GATA4: variants seen among roughly 807,000 people sequenced by gnomAD.
GATA4 encodes GATA binding protein 4.
GATA4 carries 7 observed loss-of-function variants against 37.9 expected under a neutral mutation model. That is an observed-to-expected ratio of 0.18 (90% CI 0.11 to 0.35). The LOEUF (loss-of-function observed/expected upper bound fraction) is 0.35, where lower values mean the gene tolerates loss of function less well. Ranked by LOEUF, GATA4 falls within the 10% of genes least tolerant of loss-of-function variation. The pLI, the probability that GATA4 is intolerant of heterozygous loss-of-function variation, is 1.00. For missense variants in GATA4, 647 were observed against 653.0 expected, an observed-to-expected ratio of 0.99 and a Z score of 0.10; for synonymous variants, 372 against 292.6, an observed-to-expected ratio of 1.27 and a Z score of -2.77.
At chr8:11,745,130 T>A (rs1258583423) in intron 2 of GATA4, among the ~76,000 whole-genome samples, 1 of 152,174 alleles carries the variant, frequency 6.6e-6, no homozygotes, top group Non-Finnish European at 1.5e-5. Flanking sequence ...AGTAAAATAA[T>A]TGCTTGAATG....
At chr8:11,697,369 G>C (rs1376324524) in intron 1 of GATA4, among the ~76,000 whole-genome samples, 4 of 152,200 alleles carry the variant, frequency 2.6e-5, no homozygotes, top group African/African-American at 9.7e-5. Flanking sequence ...ACAGAACAAG[G>C]ACTATCTAGC....
At chr8:11,728,819 A>C (rs1801066693) in intron 2 of GATA4, among the ~76,000 whole-genome samples, 2 of 152,224 alleles carry the variant, frequency 1.3e-5, no homozygotes, top group Non-Finnish European at 2.9e-5. Flanking sequence ...GTATTAATCT[A>C]CATTTAGGTC....
intron 2 of GATA4, among the ~76,000 whole-genome samples, chr8:11,723,411 G>A (rs1290622445): frequency 6.6e-6 from 1 of 151,960 alleles, no homozygotes; most frequent in African/African-American, 2.4e-5. Flanking sequence ...TATCCTGATT[G>A]ATGTTCAGAT....
At chr8:11,681,119 T>C in intron 1 of GATA4, 6 of 984,282 alleles carry the variant, frequency 6.1e-6, no homozygotes, top group African/African-American at 1.7e-5. Flanking sequence ...GGGTTCGTGG[T>C]CCGGAAAACC....
intron 1 of GATA4, among the ~76,000 whole-genome samples, chr8:11,698,795 ACCTGGGGAC>A (rs1799582783): frequency 6.6e-6 from 1 of 151,874 alleles, no homozygotes; most frequent in African/African-American, 2.4e-5. Context: ...AGTCCCCAGG[ACCTGGGGAC>A]CCCGGGGTGT....
chr8:11,712,387 C>T (rs1396935900), intron 2 of GATA4, among the ~76,000 whole-genome samples: 1 of 152,116 alleles, frequency 6.6e-6, no homozygotes, highest in Non-Finnish European at 1.5e-5. Flanking sequence ...GGAGAAGCAG[C>T]TGAGAGCAAA....
Position 11,731,291 on chromosome 8 carries a change from A to G in GATA4, c.617-17625A>G, listed in dbSNP as rs200742808. Among the ~76,000 whole-genome samples the G allele has an allele frequency of 2.6e-5, 4 of 152,234 alleles. No homozygotes were observed. In the East Asian group the frequency reaches 5.8e-4, roughly 22 times the overall value. On this transcript the variant is annotated intron_variant, in intron 2 of 6. Transcript: ENST00000532059. ...TCTTGTAAAAATGAGCGCATTATTG[A>G]TTAAAAGAGAGAGACACAATATCCA... is the stretch of plus-strand genomic sequence containing the variant.
At chr8:11,757,613 G>A (rs763837325) in intron 6 of GATA4, among the ~76,000 whole-genome samples, 2 of 152,234 alleles carry the variant, frequency 1.3e-5, no homozygotes, top group Non-Finnish European at 1.5e-5. Context: ...CCTGGATCCT[G>A]CAGAGGGCAG....
rs777829308 is a variant in GATA4, at chr8:11,758,437, G to C, written c.1294G>C (p.Val432Leu). Reference sequence around the variant, plus strand: ...CAAGCAGGACTCTTGGAACAGCCTGGTCTTGGCCGACAGTCACGGGGACAT... The same window carrying C: ...CAAGCAGGACTCTTGGAACAGCCTGCTCTTGGCCGACAGTCACGGGGACAT... ...SSKQDSWNSL[V>L]LADSHGDIIT... The change falls in exon 7 of 7, where the codon GTC becomes CTC. Residue 432 changes from valine (V) to leucine (L), a missense_variant. By Grantham distance (32) the Val-to-Leu change is conservative. Coordinates refer to ENST00000532059, the MANE Select transcript of GATA4 (RefSeq NM_001308093.3). 4 of 1,614,130 alleles carry C rather than the reference G, an allele frequency of 2.5e-6. No individual in the cohort carries two copies. The highest frequency in any genetic ancestry group is 1.3e-5 in the African/African-American group (1 of 74,942).
chr8:11,707,262 C>T lies in GATA4; in HGVS notation c.-457-594C>T, dbSNP rs1799927497. Among the ~76,000 whole-genome samples, 1 of 151,612 alleles carries T rather than the reference C, an allele frequency of 6.6e-6. No homozygotes were observed. Among genetic ancestry groups the T allele is most frequent in the African/African-American group, 2.4e-5 (1 of 41,306 alleles). ...TGGATGAGGGTTTCAGAACCCTCTT[C>T]AGGAGGCTTAGCAGACACCGTTGTT... is the stretch of plus-strand genomic sequence containing the variant. On this transcript the variant is annotated intron_variant, in intron 1 of 6. Coordinates refer to ENST00000532059, the MANE Select transcript of GATA4 (RefSeq NM_001308093.3). The surrounding 1 kb of genome is among the most constrained non-coding windows in gnomAD (Gnocchi z 4.7).
At chr8:11,698,422 G>C (rs1467784207) in intron 1 of GATA4, among the ~76,000 whole-genome samples, 2 of 152,170 alleles carry the variant, frequency 1.3e-5, no homozygotes, top group Non-Finnish European at 2.9e-5. Context: ...GTGAGTGAGT[G>C]AATGCATGAG....
Position 11,749,007 on chromosome 8 carries a change from C to T in GATA4, c.708C>T (p.His236=). Residue 236 remains histidine, a synonymous_variant, in exon 3 of 7, where the codon CAC becomes CAT. Coordinates refer to ENST00000532059, the MANE Select transcript of GATA4 (RefSeq NM_001308093.3). The surrounding 1 kb of genome is among the most constrained non-coding windows in gnomAD (Gnocchi z 4.6). ...TPLWRRDGTG[H]YLCNACGLYH... Reference sequence around the variant, plus strand: ...TCTGGAGGCGAGATGGGACGGGTCACTATCTGTGCAACGCCTGCGGCCTCT... The same window carrying T: ...TCTGGAGGCGAGATGGGACGGGTCATTATCTGTGCAACGCCTGCGGCCTCT... 1 of 1,614,252 alleles carries T rather than the reference C, an allele frequency of 6.2e-7. No individual in the cohort carries two copies. Among genetic ancestry groups the T allele is most frequent in the Non-Finnish European group, 8.5e-7 (1 of 1,180,050 alleles).
chr8:11,717,406 G>T (rs1373231856), intron 2 of GATA4, among the ~76,000 whole-genome samples: 1 of 152,148 alleles, frequency 6.6e-6, no homozygotes, highest in Non-Finnish European at 1.5e-5. Flanking sequence ...TGATGCCAGG[G>T]ACTTTGAAGT....
At chr8:11,677,661 C>T (rs1384568324) in intron 1 of GATA4, among the ~76,000 whole-genome samples, 1 of 152,198 alleles carries the variant, frequency 6.6e-6, no homozygotes, top group Non-Finnish European at 1.5e-5. Flanking sequence ...TTTCCCATCG[C>T]TTGGCTTCAT....
At chr8:11,734,378 G>A (rs560055138) in intron 2 of GATA4, among the ~76,000 whole-genome samples, 9 of 152,248 alleles carry the variant, frequency 5.9e-5, no homozygotes, top group Admixed American at 2.6e-4. Flanking sequence ...CCAAGATCAC[G>A]GCACTGGCAG....
At position 11,707,171 on chromosome 8, in the gene GATA4, T is replaced by C. The variant is rs1799923683; in HGVS notation, c.-457-685T>C. ...GTTCTGATATACAATTTGCAAAACGTCTAAATTGTAACTATTTGCAAGAAA... is the reference window on the plus strand; with the variant it reads ...GTTCTGATATACAATTTGCAAAACGCCTAAATTGTAACTATTTGCAAGAAA... On this transcript the variant is annotated intron_variant, in intron 1 of 6. Transcript: ENST00000532059. The surrounding 1 kb of genome is among the most constrained non-coding windows in gnomAD (Gnocchi z 4.7). Among the ~76,000 whole-genome samples, 3 of 152,290 alleles carry C rather than the reference T, an allele frequency of 2.0e-5. No homozygotes were observed. Among genetic ancestry groups the C allele is most frequent in the South Asian group, 4.2e-4 (2 of 4,816 alleles).
Position 11,708,246 on chromosome 8 carries a change from C to A in GATA4, c.-67C>A. The A allele has an allele frequency of 1.3e-6, 2 of 1,525,570 alleles. No individual in the cohort carries two copies. Among genetic ancestry groups the A allele is most frequent in the Non-Finnish European group, 8.8e-7 (1 of 1,136,818 alleles). 94.5% of individuals were successfully genotyped at this position (1,525,570 alleles called of 1,614,324 possible). A position where few individuals can be genotyped will look rare whatever the true frequency, so the allele number is the denominator to read the frequency against. The stretch of plus-strand genomic sequence containing the variant: ...ATTATCGTTGTTGCCGTCGTTTTCT[C>A]TCCCCGCGTGGCTCCTTGACCTGCG... On this transcript the variant is annotated 5_prime_UTR_variant, in exon 2 of 7. Coordinates refer to ENST00000532059, the MANE Select transcript of GATA4 (RefSeq NM_001308093.3). The surrounding 1 kb of genome is among the most constrained non-coding windows in gnomAD (Gnocchi z 6.7).
chr8:11,757,257 G>A (rs540868492), intron 6 of GATA4, among the ~76,000 whole-genome samples, 174 bp downstream of exon 6: 14 of 152,352 alleles, frequency 9.2e-5, no homozygotes, highest in South Asian at 2.1e-4. Flanking sequence ...CCTCAGGGCC[G>A]CACGAGGCTA....
At chr8:11,699,686 G>C (rs114969612), upstream of GATA4, among the ~76,000 whole-genome samples, 3 of 152,218 alleles carry the variant, frequency 2.0e-5, no homozygotes, top group Non-Finnish European at 2.9e-5. Flanking sequence ...ACTGGACCAG[G>C]CTTCAGTCCT....
Sources: allele counts gnomAD v4.1 joint callset (sites outside exome capture counted in the v4.1 genomes callset), GRCh38; gene constraint gnomAD v4.1.1; non-coding constraint Gnocchi (gnomAD v3.1); transcripts MANE v1.5; gene names NCBI Gene and HGNC (gene_info 2026-07-23, HGNC 2026-07-21).